The following ADGRB3 variants were observed in gnomAD, a reference collection of about 807,000 sequenced individuals.
ADGRB3 encodes adhesion G protein-coupled receptor B3.
In ADGRB3, 37 loss-of-function variants were observed where a neutral mutation model predicts 193.4. That is an observed-to-expected ratio of 0.19 (90% CI 0.15 to 0.25). The LOEUF (loss-of-function observed/expected upper bound fraction) is 0.25, where lower values mean the gene tolerates loss of function less well. Ranked by LOEUF, ADGRB3 falls within the 10% of genes least tolerant of loss-of-function variation. ADGRB3 has a pLI of 1.00. For missense variants in ADGRB3, 1,637 were observed against 1,852.9 expected, an observed-to-expected ratio of 0.88 and a Z score of 2.14; for synonymous variants, 690 against 644.2, an observed-to-expected ratio of 1.07 and a Z score of -1.08.
At chr6:68,982,344 A>G (rs527392003) in intron 10 of ADGRB3, among the ~76,000 whole-genome samples, 17 of 152,126 alleles carry the variant, frequency 1.1e-4, no homozygotes, top group Non-Finnish European at 1.9e-4. Context: ...TAGCTATTCA[A>G]ATACAGTGAG....
At chr6:69,279,405 A>G (rs772988507) in intron 20 of ADGRB3, among the ~76,000 whole-genome samples, 1 of 151,408 alleles carries the variant, frequency 6.6e-6, no homozygotes, top group Non-Finnish European at 1.5e-5. Flanking sequence ...CCCAACATGT[A>G]TTGTTTTCAC....
intron 20 of ADGRB3, among the ~76,000 whole-genome samples, chr6:69,256,516 G>A (rs996383027): frequency 6.6e-6 from 1 of 151,850 alleles, no homozygotes; most frequent in Non-Finnish European, 1.5e-5. Context: ...TCTGTTATTG[G>A]TGTATAAGAA....
At chr6:69,105,326 T>C (rs1352751451) in intron 17 of ADGRB3, among the ~76,000 whole-genome samples, 1 of 152,200 alleles carries the variant, frequency 6.6e-6, no homozygotes, top group African/African-American at 2.4e-5. Flanking sequence ...TGGTACTGAC[T>C]TCACTTTGGC....
At chr6:68,999,922 T>A (rs932255771) in intron 11 of ADGRB3, among the ~76,000 whole-genome samples, 1 of 151,964 alleles carries the variant, frequency 6.6e-6, no homozygotes, top group Non-Finnish European at 1.5e-5. Flanking sequence ...TTTCACAAAA[T>A]ATTAGAAAAC....
chr6:69,192,996 T>C (rs573503932), intron 17 of ADGRB3, among the ~76,000 whole-genome samples: 8 of 152,268 alleles, frequency 5.3e-5, no homozygotes, highest in Non-Finnish European at 8.8e-5. Context: ...GAAATCAAGT[T>C]GGTGGTCGTT....
intron 3 of ADGRB3, among the ~76,000 whole-genome samples, chr6:68,920,739 A>G (rs568711026): frequency 4.6e-5 from 7 of 152,218 alleles, no homozygotes; most frequent in African/African-American, 1.7e-4. Flanking sequence ...TCTGTGAAAG[A>G]ATATATTGAA....
At chr6:69,020,888 T>C (rs527574305) in intron 13 of ADGRB3, among the ~76,000 whole-genome samples, 1 of 152,134 alleles carries the variant, frequency 6.6e-6, no homozygotes, top group South Asian at 2.1e-4. Context: ...ATATGAATAA[T>C]GATCTCTTAC....
At chr6:68,721,654 AT>A (rs1474591535) in intron 3 of ADGRB3, among the ~76,000 whole-genome samples, 10 of 142,752 alleles carry the variant, frequency 7.0e-5, no homozygotes, top group South Asian at 2.2e-4. Flanking sequence ...ATATATATAT[AT>A]AAATTATCAT....
chr6:68,658,557 T>C (rs1768545519), intron 3 of ADGRB3, among the ~76,000 whole-genome samples: 1 of 151,164 alleles, frequency 6.6e-6, no homozygotes, highest in Non-Finnish European at 1.5e-5. Flanking sequence ...CCAGGAAACC[T>C]CCAAGTGATA....
intron 20 of ADGRB3, among the ~76,000 whole-genome samples, chr6:69,279,607 A>G (rs1767390019): frequency 6.6e-6 from 1 of 152,076 alleles, no homozygotes; most frequent in African/African-American, 2.4e-5. Context: ...CTATTTTTGA[A>G]ATTTTTGAGA....
At chr6:69,161,817 T>C (rs1249297535) in intron 17 of ADGRB3, among the ~76,000 whole-genome samples, 1 of 152,134 alleles carries the variant, frequency 6.6e-6, no homozygotes, top group Non-Finnish European at 1.5e-5. Context: ...GGCTGTTAAC[T>C]GAAGACTTCC....
intron 13 of ADGRB3, among the ~76,000 whole-genome samples, chr6:69,043,292 G>GAGAAAGAAAGAAAGAA (rs1486008350): frequency 1.2e-4 from 2 of 17,202 alleles, no homozygotes; most frequent in Non-Finnish European, 2.9e-4. Flanking sequence ...AAGAAAGAGA[G>GAGAAAGAAAGAAAGAA]AAAGAAAGAA....
intron 10 of ADGRB3, among the ~76,000 whole-genome samples, chr6:68,978,348 G>GTAGA (rs3839458): frequency 0.56 from 84,044 of 150,250 alleles, 24,822 homozygotes; most frequent in East Asian, 0.68. Context: ...AGATAGGTAG[G>GTAGA]TAGATACACA....
intron 8 of ADGRB3, among the ~76,000 whole-genome samples, chr6:68,961,272 G>A (rs988788777): frequency 2.6e-5 from 4 of 152,096 alleles, no homozygotes; most frequent in Admixed American, 6.6e-5. Flanking sequence ...ACCACGAAGA[G>A]CAGGAGAAAC....
At chr6:69,312,600 C>G (rs1033320968) in intron 20 of ADGRB3, among the ~76,000 whole-genome samples, 1 of 151,570 alleles carries the variant, frequency 6.6e-6, no homozygotes, top group Non-Finnish European at 1.5e-5. Context: ...GCATTTTTCT[C>G]TTAGGTATGT....
At chr6:68,855,033 G>A (rs1409058349) in intron 3 of ADGRB3, among the ~76,000 whole-genome samples, 1 of 152,138 alleles carries the variant, frequency 6.6e-6, no homozygotes, top group African/African-American at 2.4e-5. Context: ...ACCTAGGCAC[G>A]ACAGCTTTTA....
chr6:69,356,886 T>G (rs1769347749), intron 28 of ADGRB3, among the ~76,000 whole-genome samples: 1 of 152,112 alleles, frequency 6.6e-6, no homozygotes, highest in Non-Finnish European at 1.5e-5. Context: ...TGTTCAATTT[T>G]GGGGGATAGT....
intron 28 of ADGRB3, among the ~76,000 whole-genome samples, chr6:69,360,295 G>T (rs970148712): frequency 6.6e-6 from 1 of 151,346 alleles, no homozygotes; most frequent in Non-Finnish European, 1.5e-5. Flanking sequence ...TTTGAATATT[G>T]TATCCACCTT....
chr6:68,888,430 C>T (rs1765973445), intron 3 of ADGRB3, among the ~76,000 whole-genome samples: 1 of 151,986 alleles, frequency 6.6e-6, no homozygotes, highest in Non-Finnish European at 1.5e-5. Flanking sequence ...TGCATTTGAT[C>T]ATATAGACTT....
Sources: gnomAD v4.1 joint callset for allele counts (sites outside exome capture counted in the v4.1 genomes callset) on GRCh38, gnomAD v4.1.1 for gene constraint, MANE v1.5 for transcripts, NCBI Gene and HGNC (gene_info 2026-07-23, HGNC 2026-07-21) for gene names.